Variants in SMC5 observed in about 807,000 individuals in gnomAD.
The protein encoded by SMC5 is structural maintenance of chromosomes protein 5.
A neutral mutation model predicts 148.3 loss-of-function variants in SMC5; 88 were observed. That is an observed-to-expected ratio of 0.59 (90% CI 0.50 to 0.71). The LOEUF is 0.71. Ranked by LOEUF, SMC5 falls within the 30% of genes least tolerant of loss-of-function variation. The pLI, the probability that SMC5 is intolerant of heterozygous loss-of-function variation, is 0.00. For missense variants in SMC5, 1,142 were observed against 1,298.9 expected (o/e 0.88, Z 1.86); for synonymous variants, 421 against 432.8 (o/e 0.97, Z 0.34).
Position 70,267,907 on chromosome 9 carries a change from C to T in SMC5, c.328-16C>T, listed in dbSNP as rs1352213863. 2.5e-6 allele frequency: 4 copies of T among 1,603,948 alleles called. No homozygotes were observed. The Admixed American group carries it at 6.8e-5, about 27-fold the overall frequency. On this transcript the variant is annotated splice_polypyrimidine_tract_variant and intron_variant, in intron 2 of 24. Transcript: ENST00000361138. ...AATGTCACTACACAGCTCACTTTTT[C>T]TTTTTTATGTCTTAGGTTGGGTTTT... is the stretch of plus-strand genomic sequence containing the variant.
rs1296604637 is a variant in SMC5, at chr9:70,282,407, T to C, written c.820-15T>C. 7 of 1,573,502 alleles carry C rather than the reference T, an allele frequency of 4.4e-6. No homozygotes were observed. Among genetic ancestry groups the C allele is most frequent in the Non-Finnish European group, 5.2e-6 (6 of 1,164,986 alleles). The stretch of plus-strand genomic sequence containing the variant: ...AGGTAGGGCATTAACTTCTGTTTGT[T>C]GAATTATTTGCAAGGAATATGAAAA... On this transcript the variant is annotated splice_polypyrimidine_tract_variant and intron_variant, in intron 6 of 24. Coordinates refer to ENST00000361138, the MANE Select transcript of SMC5 (RefSeq NM_015110.4).
rs375431268 is a variant in SMC5, at chr9:70,318,507, G to A, written c.1807-7G>A. On this transcript the variant is annotated splice_polypyrimidine_tract_variant and splice_region_variant and intron_variant, in intron 13 of 24. Coordinates refer to ENST00000361138, the MANE Select transcript of SMC5 (RefSeq NM_015110.4). ...AGATGTGCACTAATAGTTGTTTTAC[G>A]TTATAGGTAATACAAGAAACCCGAT... 30 of 1,572,276 alleles carry A rather than the reference G, an allele frequency of 1.9e-5. No individual in the cohort carries two copies. Among genetic ancestry groups the A allele is most frequent in the African/African-American group, 1.2e-4 (9 of 73,218 alleles).
Position 70,352,243 on chromosome 9 carries a change from A to G in SMC5, c.3218A>G (p.Asn1073Ser), listed in dbSNP as rs764352059. 12 of 1,613,610 alleles carry G rather than the reference A, an allele frequency of 7.4e-6. No individual in the cohort carries two copies. Among genetic ancestry groups the G allele is most frequent in the South Asian group, 1.1e-5 (1 of 90,960 alleles). ...AAGATGACAGTTTTGTTTGTCTACA[A>G]TGGCCCTCATATGCTGGAACCAAAC... ...SEKMTVLFVY[N>S]GPHMLEPNTW... is the part of the protein sequence containing the mutation. The change falls in exon 25 of 25, where the codon AAT becomes AGT. Residue 1073 changes from asparagine (N) to serine (S), a missense_variant. Transcript: ENST00000361138.
chr9:70,277,241 T>G (rs918927082), intron 3 of SMC5, 69 bp from the exon 4 acceptor site: 3 of 1,129,270 alleles, frequency 2.7e-6, no homozygotes, highest in Admixed American at 3.7e-5. Context: ...AAGAGAATTT[T>G]GGGAATTTTA....
chr9:70,294,409 A>G (rs1187690368), intron 8 of SMC5, among the ~76,000 whole-genome samples: 1 of 152,228 alleles, frequency 6.6e-6, no homozygotes, highest in Non-Finnish European at 1.5e-5. Flanking sequence ...AAGGTATATC[A>G]ATAGGTTTAA....
chr9:70,346,541 A>T (rs368317694), intron 18 of SMC5, 64 bp from the exon 19 acceptor site: 1 of 1,516,662 alleles, frequency 6.6e-7, no homozygotes, highest in African/African-American at 1.4e-5. Flanking sequence ...AGTGCAGTAT[A>T]AAGTTCTAAC....
rs76514980 is a variant in SMC5, at chr9:70,310,192, C to T, written c.1579-4550C>T. ...GCTTTTTGTTTACTTTGCCCAGATTCATCAGAGGAGTCATTATCTGTGGCA... is the reference window on the plus strand; with the variant it reads ...GCTTTTTGTTTACTTTGCCCAGATTTATCAGAGGAGTCATTATCTGTGGCA... On this transcript the variant is annotated intron_variant, in intron 11 of 24. Transcript: ENST00000361138. 3.0e-3 allele frequency among the ~76,000 whole-genome samples: 450 copies of T among 152,286 alleles called. 1 individual carries two copies. Among genetic ancestry groups the T allele is most frequent in the African/African-American group, 0.01 (431 of 41,560 alleles).
chr9:70,277,941 T>G (rs1397581175), intron 4 of SMC5, among the ~76,000 whole-genome samples: 1 of 152,044 alleles, frequency 6.6e-6, no homozygotes, highest in Non-Finnish European at 1.5e-5. Context: ...GTTAAAGTCA[T>G]ATTACCTATT....
At chr9:70,337,703 G>A (rs1327162764) in intron 17 of SMC5, among the ~76,000 whole-genome samples, 2 of 151,918 alleles carry the variant, frequency 1.3e-5, no homozygotes, top group Middle Eastern at 3.4e-3. Flanking sequence ...TGATCCACCC[G>A]CCTCGGCCTC....
Position 70,283,266 on chromosome 9 carries a change from C to A in SMC5, c.981+683C>A, listed in dbSNP as rs1429410732. On this transcript the variant is annotated intron_variant, in intron 7 of 24. Transcript: ENST00000361138. Reference sequence around the variant, plus strand: ...ATCAGTTGAGCTCAGGAGTTCAAGACCAGCTTGGCCAACATGGTGAAACCC... The same window carrying A: ...ATCAGTTGAGCTCAGGAGTTCAAGAACAGCTTGGCCAACATGGTGAAACCC... Among the ~76,000 whole-genome samples, 4 of 152,022 alleles carry A rather than the reference C, an allele frequency of 2.6e-5. No homozygotes were observed. The East Asian group carries it at 7.7e-4, about 29-fold the overall frequency.
chr9:70,342,674 C>G (rs1023236912), intron 17 of SMC5, among the ~76,000 whole-genome samples: 1 of 152,098 alleles, frequency 6.6e-6, no homozygotes, highest in Non-Finnish European at 1.5e-5. Context: ...GGGATTAGAA[C>G]AATTAACAGG....
chr9:70,349,360 C>T (rs2036749626), intron 22 of SMC5, among the ~76,000 whole-genome samples: 1 of 152,194 alleles, frequency 6.6e-6, no homozygotes, highest in Non-Finnish European at 1.5e-5. Context: ...AGCCACCACA[C>T]CCGGCCTAAT....
intron 17 of SMC5, among the ~76,000 whole-genome samples, chr9:70,333,363 G>A (rs1421066157): frequency 1.3e-5 from 2 of 152,110 alleles, no homozygotes; most frequent in African/African-American, 4.8e-5. Context: ...CTAGCACTTT[G>A]GGAGGCCGAG....
In SMC5 at chr9:70,259,048, G is replaced by A; in HGVS notation, c.-31G>A. 1.3e-6 allele frequency: 2 copies of A among 1,576,970 alleles called. No homozygotes were observed. Among genetic ancestry groups the A allele is most frequent in the Non-Finnish European group, 1.7e-6 (2 of 1,160,354 alleles). On this transcript the variant is annotated 5_prime_UTR_variant, in exon 1 of 25. Transcript: ENST00000361138. Reference sequence around the variant, plus strand: ...CCTGGGCTGCCGGACGGTGGGAACGGAAGTCGCTGTGGGACGCTGAGGAAG... The same window carrying A: ...CCTGGGCTGCCGGACGGTGGGAACGAAAGTCGCTGTGGGACGCTGAGGAAG...
intron 11 of SMC5, among the ~76,000 whole-genome samples, chr9:70,306,231 A>AT (rs2035492864): frequency 6.6e-6 from 1 of 151,848 alleles, no homozygotes; most frequent in South Asian, 2.1e-4. Context: ...TTAGGTTTAG[A>AT]TTTTTTTTGT....
intron 5 of SMC5, among the ~76,000 whole-genome samples, chr9:70,279,866 G>A (rs1369809459): frequency 6.6e-6 from 1 of 151,274 alleles, no homozygotes; most frequent in Non-Finnish European, 1.5e-5. Flanking sequence ...TTTAGGTTCA[G>A]GGGTACATGT....
chr9:70,349,665 A>G (rs895617103), intron 22 of SMC5, among the ~76,000 whole-genome samples: 5 of 152,192 alleles, frequency 3.3e-5, no homozygotes, highest in Non-Finnish European at 7.3e-5. Flanking sequence ...TGCAGTTACC[A>G]TACACAACCA....
At chr9:70,329,229 T>C (rs2036161544) in intron 17 of SMC5, among the ~76,000 whole-genome samples, 1 of 152,254 alleles carries the variant, frequency 6.6e-6, no homozygotes, top group African/African-American at 2.4e-5. Context: ...GAATTCCTTC[T>C]CCGGGAAATG....
chr9:70,325,492 G>A (rs2036054527), intron 17 of SMC5, among the ~76,000 whole-genome samples: 1 of 152,170 alleles, frequency 6.6e-6, no homozygotes, highest in African/African-American at 2.4e-5. Context: ...TTTGAGAGCA[G>A]CTAAAACTGA....
Sources: gnomAD v4.1 joint callset for allele counts (sites outside exome capture counted in the v4.1 genomes callset) on GRCh38, gnomAD v4.1.1 for gene constraint, MANE v1.5 for transcripts, NCBI Gene and HGNC (gene_info 2026-07-23, HGNC 2026-07-21) for gene names.